The following MPP3 variants were observed in gnomAD, a reference collection of about 807,000 sequenced individuals.
MPP3 encodes the protein MAGUK p55 subfamily member 3.
In MPP3, 48 loss-of-function variants were observed where a neutral mutation model predicts 80.7. The ratio of observed to expected loss-of-function variants is 0.59; its 90% CI spans 0.47 to 0.76. The LOEUF is 0.76. Among genes scored for constraint, MPP3 ranks in the 30% least tolerant of loss-of-function variants. MPP3 has a pLI of 0.00. For missense variants in MPP3, 620 were observed against 763.0 expected, an observed-to-expected ratio of 0.81 and a Z score of 2.21; for synonymous variants, 311 against 297.6, an observed-to-expected ratio of 1.04 and a Z score of -0.46.
At chr17:43,816,738 AG>A (rs1406520477) in intron 12 of MPP3, 41 bp from the exon 13 acceptor site, 13 of 1,560,672 alleles carry the variant, frequency 8.3e-6, no homozygotes, top group Non-Finnish European at 1.1e-5. Context: ...GCATTAGTGG[AG>A]GGAAGCGGGG....
rs1295542641 is a variant in MPP3 at position 43,809,043 on chromosome 17, G to A, written c.1494C>T (p.Pro498=). The A allele has an allele frequency of 1.2e-6, 2 of 1,603,244 alleles. No homozygotes were observed. The highest frequency in any genetic ancestry group is 2.2e-5 in the East Asian group (1 of 44,772). The change falls in exon 19 of 20, where the codon CCC becomes CCT. Residue 498 remains proline (P), a synonymous_variant. Transcript: ENST00000398389. ...TTGCAGGCTTTACAAATATAATATA[G>A]GGTTTAAATTCTGAGGTCCTCAGTT... ...LKQLRTSEFK[P]YIIFVKPAIQ...
At chr17:43,815,864 G>A (rs1945109681) in intron 14 of MPP3, 174 bp downstream of exon 14, 1 of 702,822 alleles carries the variant, frequency 1.4e-6, no homozygotes, top group South Asian at 1.8e-5. Flanking sequence ...CCAATGCCTG[G>A]GCAGGCTCAG....
Position 43,831,618 on chromosome 17 carries a change from C to T in MPP3, c.85G>A (p.Glu29Lys). The change falls in exon 4 of 20, where the codon GAG becomes AAG. Residue 29 changes from glutamate to lysine, a missense_variant. Coordinates refer to ENST00000398389, the MANE Select transcript of MPP3 (RefSeq NM_001932.6). ...ACATCCCTCAGGAAGCCCATCTCCT[C>T]CTTGTGGTTGGAGTCAGGTCTGAGC... ...SQLRPDSNHK[E>K]EMGFLRDVFS... The T allele has an allele frequency of 2.5e-6, 4 of 1,614,016 alleles. 1 individual carries two copies. Among genetic ancestry groups the T allele is most frequent in the Middle Eastern group, 3.3e-4 (2 of 6,058 alleles).
intron 19 of MPP3, among the ~76,000 whole-genome samples, chr17:43,803,091 T>G (rs535234027): frequency 6.6e-6 from 1 of 152,302 alleles, no homozygotes; most frequent in Admixed American, 6.5e-5. Context: ...CTATATAGAA[T>G]ATTCTTGCAG....
At chr17:43,830,619 A>C (rs899013256) in intron 5 of MPP3, among the ~76,000 whole-genome samples, 5 of 152,114 alleles carry the variant, frequency 3.3e-5, no homozygotes, top group Non-Finnish European at 5.9e-5. Flanking sequence ...CAGGCAATCT[A>C]ATGTGCCCCT....
intron 9 of MPP3, among the ~76,000 whole-genome samples, chr17:43,824,367 AG>A (rs918599830): frequency 1.1e-4 from 17 of 152,144 alleles, no homozygotes; most frequent in African/African-American, 4.1e-4. Flanking sequence ...ACGGCCCCAG[AG>A]GGCTCCCTTC....
chr17:43,816,399 T>C (rs923597432), intron 13 of MPP3, among the ~76,000 whole-genome samples: 3 of 151,942 alleles, frequency 2.0e-5, no homozygotes, highest in Admixed American at 2.0e-4. Flanking sequence ...ACCCCTTGTC[T>C]CCTATCCAGC....
At chr17:43,827,706 T>C (rs1567825622) in intron 8 of MPP3, 45 bp downstream of exon 8, 2 of 1,588,692 alleles carry the variant, frequency 1.3e-6, no homozygotes, top group Admixed American at 1.7e-5. Flanking sequence ...TCTGGAACAA[T>C]GGCCATGATC....
intron 19 of MPP3, among the ~76,000 whole-genome samples, chr17:43,806,953 C>T (rs1237157332): frequency 6.6e-6 from 1 of 151,938 alleles, no homozygotes; most frequent in Non-Finnish European, 1.5e-5. Flanking sequence ...TTGATATTCC[C>T]CTATTCCCCT....
At chr17:43,825,509 C>T in intron 9 of MPP3, 1 of 417,988 alleles carries the variant, frequency 2.4e-6, no homozygotes, top group South Asian at 3.8e-5. Flanking sequence ...GAAAGGGAAC[C>T]AGGGGAAGGA....
At chr17:43,821,815 T>C (rs866652941) in intron 10 of MPP3, among the ~76,000 whole-genome samples, 1 of 152,216 alleles carries the variant, frequency 6.6e-6, no homozygotes, top group South Asian at 2.1e-4. Flanking sequence ...ATCAGGGGTC[T>C]TCCTCAGACA....
At chr17:43,816,793 C>T (rs1056484973) in intron 12 of MPP3, 96 bp from the exon 13 acceptor site, 14 of 1,166,016 alleles carry the variant, frequency 1.2e-5, no homozygotes, top group Middle Eastern at 1.9e-4. Context: ...CCTGAGGAGC[C>T]CGCCATCTGG....
At chr17:43,827,158 A>C (rs1055687537) in intron 8 of MPP3, among the ~76,000 whole-genome samples, 4 of 151,914 alleles carry the variant, frequency 2.6e-5, no homozygotes, top group Non-Finnish European at 4.4e-5. Flanking sequence ...CTGTGATTAT[A>C]GGCATGTGCC....
chr17:43,831,604 G>A lies in MPP3; in HGVS notation c.99C>T (p.Phe33=). Residue 33 remains phenylalanine, a synonymous_variant, in exon 4 of 20, where the codon TTC becomes TTT. Coordinates refer to ENST00000398389, the MANE Select transcript of MPP3 (RefSeq NM_001932.6). The part of the protein sequence containing the change: ...PDSNHKEEMG[F]LRDVFSEKSL... Reference sequence around the variant, plus strand: ...TTTTTTCACTGAAAACATCCCTCAGGAAGCCCATCTCCTCCTTGTGGTTGG... The same window carrying A: ...TTTTTTCACTGAAAACATCCCTCAGAAAGCCCATCTCCTCCTTGTGGTTGG... 3 of 1,613,902 alleles carry A rather than the reference G, an allele frequency of 1.9e-6. No homozygotes were observed. The highest frequency in any genetic ancestry group is 2.2e-5 in the East Asian group (1 of 44,878).
rs2045987699 is a variant in MPP3 at position 43,831,965 on chromosome 17, G to A, written c.-37-22C>T. ...GATTCTGGGAGAAGGGGGTGGAGGT[G>A]GGTATTGAAGCTCCATCAAGCATAT... On this transcript the variant is annotated intron_variant, in intron 2 of 19. Transcript: ENST00000398389. 3 of 1,481,428 alleles carry A rather than the reference G, an allele frequency of 2.0e-6. No individual in the cohort carries two copies. In the East Asian group the frequency reaches 6.9e-5, roughly 34 times the overall value. The allele number at this position is 1,481,428 out of a possible 1,614,324, so 91.8% of individuals were successfully genotyped here.
intron 14 of MPP3, chr17:43,814,731 T>C (rs1265613160): frequency 1.1e-5 from 2 of 178,066 alleles, no homozygotes; most frequent in African/African-American, 4.7e-5. Flanking sequence ...AAGGACATGA[T>C]GGGGACAATT....
At chr17:43,813,921 T>C in intron 16 of MPP3, 90 bp downstream of exon 16, 1 of 1,087,270 alleles carries the variant, frequency 9.2e-7, no homozygotes, top group South Asian at 1.7e-5. Flanking sequence ...AAACCCAAAG[T>C]AAGGATTTGG....
chr17:43,802,349 A>G (rs895208049), intron 19 of MPP3, among the ~76,000 whole-genome samples: 2 of 152,232 alleles, frequency 1.3e-5, no homozygotes, highest in African/African-American at 4.8e-5. Flanking sequence ...CTGGTGGAAG[A>G]AGGAGAAGAA....
intron 11 of MPP3, among the ~76,000 whole-genome samples, chr17:43,819,869 T>C (rs2045334593): frequency 6.6e-6 from 1 of 152,108 alleles, no homozygotes; most frequent in Non-Finnish European, 1.5e-5. Flanking sequence ...AAACAAACTA[T>C]GCAGTTTAGA....
Sources: gnomAD v4.1 joint callset for allele counts (sites outside exome capture counted in the v4.1 genomes callset) on GRCh38, gnomAD v4.1.1 for gene constraint, MANE v1.5 for transcripts, NCBI Gene and HGNC (gene_info 2026-07-23, HGNC 2026-07-21) for gene names.